Variants in SLC4A4 observed in about 807,000 individuals in gnomAD.
SLC4A4 encodes the protein solute carrier family 4 member 4, also known as electrogenic sodium bicarbonate cotransporter 1.
SLC4A4 carries 27 observed loss-of-function variants against 111.5 expected under a neutral mutation model. The observed-to-expected ratio is 0.24, with a 90% CI of 0.18 to 0.33. The LOEUF (loss-of-function observed/expected upper bound fraction) is 0.33. Among genes scored for constraint, SLC4A4 ranks in the 10% least tolerant of loss-of-function variants. The probability of loss-of-function intolerance (pLI) is 1.00; values close to 1 mark genes in which losing one functional copy is unlikely to be tolerated. For synonymous variants in SLC4A4, 443 were observed against 463.4 expected, an observed-to-expected ratio of 0.96 and a Z score of 0.57; for missense variants, 909 against 1,315.5, an observed-to-expected ratio of 0.69 and a Z score of 4.78.
At chr4:71,315,150 C>G (rs1331484973) in intron 3 of SLC4A4, among the ~76,000 whole-genome samples, 1 of 152,080 alleles carries the variant, frequency 6.6e-6, no homozygotes, top group Non-Finnish European at 1.5e-5. Context: ...ATTTGGCTGA[C>G]TTCTTTTAGG....
rs1737627246 is a variant in SLC4A4, at chr4:71,567,800, T to A, written c.*49T>A. On this transcript the variant is annotated 3_prime_UTR_variant, in exon 26 of 26. Coordinates refer to ENST00000264485, the MANE Select transcript of SLC4A4 (RefSeq NM_001098484.3). ...CCTTTTTCTCTAGTCCTCCTAGAAC[T>A]CCAGTAAAAGTTGTGCCTCAAATTA... is the stretch of plus-strand genomic sequence containing the variant. 7 of 1,513,594 alleles carry A rather than the reference T, an allele frequency of 4.6e-6. No homozygotes were observed. In the South Asian group the frequency reaches 6.3e-5, roughly 14 times the overall value. 93.8% of individuals were successfully genotyped at this position (1,513,594 alleles called of 1,614,324 possible). A position where few individuals can be genotyped will look rare whatever the true frequency, so the allele number is the denominator to read the frequency against.
At chr4:71,325,252 AG>A (rs1238978060) in intron 3 of SLC4A4, among the ~76,000 whole-genome samples, 1 of 151,890 alleles carries the variant, frequency 6.6e-6, no homozygotes, top group African/African-American at 2.4e-5. Context: ...TTAAAAAAAA[AG>A]GTTGTTCAAT....
intron 13 of SLC4A4, 31 bp from the exon 14 acceptor site, chr4:71,472,668 G>T: frequency 6.2e-7 from 1 of 1,605,902 alleles, no homozygotes; most frequent in Non-Finnish European, 8.5e-7. Context: ...CAAGGAGGAG[G>T]AATCTAAACA....
chr4:71,236,714 C>G, intron 2 of SLC4A4, 65 bp downstream of exon 2: 1 of 1,272,802 alleles, frequency 7.9e-7, no homozygotes, highest in Non-Finnish European at 1.1e-6. Context: ...TAATAACATT[C>G]ATGCATTTCA....
chr4:71,543,253 C>A (rs577481599), intron 18 of SLC4A4, among the ~76,000 whole-genome samples: 1 of 152,016 alleles, frequency 6.6e-6, no homozygotes, highest in African/African-American at 2.4e-5. Flanking sequence ...CTGGTGAGAA[C>A]CAGTGATTGA....
At chr4:71,099,563 C>G (rs1423092094) in intron 2 of SLC4A4, among the ~76,000 whole-genome samples, 1 of 151,972 alleles carries the variant, frequency 6.6e-6, no homozygotes, top group Admixed American at 6.6e-5. Flanking sequence ...AACCCCAATG[C>G]TAGCAGAAGA....
At chr4:71,480,025 T>A (rs1474057881) in intron 14 of SLC4A4, among the ~76,000 whole-genome samples, 9 of 148,620 alleles carry the variant, frequency 6.1e-5, no homozygotes, top group African/African-American at 2.2e-4. Flanking sequence ...CCCATCTTTT[T>A]TTTTTTTTTT....
chr4:71,213,447 G>T (rs1011350963), intron 1 of SLC4A4, among the ~76,000 whole-genome samples: 4 of 152,100 alleles, frequency 2.6e-5, no homozygotes, highest in Admixed American at 2.6e-4. Context: ...TTGAAAGCAG[G>T]GGACTCTTTT....
At chr4:71,409,641 A>G (rs1021215632) in intron 7 of SLC4A4, among the ~76,000 whole-genome samples, 1 of 152,218 alleles carries the variant, frequency 6.6e-6, no homozygotes, top group African/African-American at 2.4e-5. Flanking sequence ...CAGCCTGACA[A>G]TGCAGTAGAA....
chr4:71,447,651 T>TA lies in SLC4A4; in HGVS notation c.971_972insA (p.Phe325ValfsTer7). On this transcript the variant is annotated frameshift_variant, in exon 9 of 26. Transcript: ENST00000264485. LOFTEE classifies it high-confidence loss of function. ...CTTCTTTCCTTTTCCATTAGGTTCT[T>TA]GTTCATTCTCTTAGGTCCTAAGGGG... is the stretch of plus-strand genomic sequence containing the variant. 1 of 1,606,264 alleles carries TA rather than the reference T, an allele frequency of 6.2e-7. No homozygotes were observed. Among genetic ancestry groups the TA allele is most frequent in the East Asian group, 2.2e-5 (1 of 44,778 alleles).
chr4:71,239,315 A>G (rs1720026865), intron 2 of SLC4A4, among the ~76,000 whole-genome samples: 1 of 152,200 alleles, frequency 6.6e-6, no homozygotes, highest in East Asian at 1.9e-4. Flanking sequence ...ATGTACTCCC[A>G]ATAAGTGATT....
intron 18 of SLC4A4, among the ~76,000 whole-genome samples, chr4:71,537,563 C>G (rs896003802): frequency 6.6e-6 from 1 of 151,968 alleles, no homozygotes; most frequent in Non-Finnish European, 1.5e-5. Flanking sequence ...AATGTGAATT[C>G]CAGCTCTAAA....
intron 2 of SLC4A4, among the ~76,000 whole-genome samples, chr4:71,144,683 C>T (rs1436584923): frequency 2.6e-5 from 4 of 151,518 alleles, no homozygotes; most frequent in Non-Finnish European, 5.9e-5. Flanking sequence ...AGTTGGAGTC[C>T]TAGGTATTTT....
chr4:71,255,309 A>G lies in SLC4A4; in HGVS notation c.163A>G (p.Lys55Glu). 3.1e-6 allele frequency: 5 copies of G among 1,613,554 alleles called. No homozygotes were observed. The highest frequency in any genetic ancestry group is 4.2e-6 in the Non-Finnish European group (5 of 1,179,616). ...GAGAAAGACAGGGCACAAAGAAAAG[A>G]AGGAAAAGGAGAGAATCTCTGAGAA... ...HKRKTGHKEK[K>E]EKERISENYS... Residue 55 changes from lysine (K) to glutamate (E), a missense_variant, in exon 3 of 26, where the codon AAG becomes GAG. Lys to Glu is a moderately conservative substitution (Grantham distance 56). Coordinates refer to ENST00000264485, the MANE Select transcript of SLC4A4 (RefSeq NM_001098484.3).
intron 2 of SLC4A4, among the ~76,000 whole-genome samples, chr4:71,108,439 A>T (rs1011608901): frequency 6.6e-6 from 1 of 152,178 alleles, no homozygotes; most frequent in Non-Finnish European, 1.5e-5. Context: ...TGTTTCTTTT[A>T]GCACTTTAAA....
rs60696447 is a variant in SLC4A4, at chr4:71,497,761, G to A, written c.2166+69G>A. On this transcript the variant is annotated intron_variant, in intron 16 of 25. Coordinates refer to ENST00000264485, the MANE Select transcript of SLC4A4 (RefSeq NM_001098484.3). ...TATCAACAATAATACAACTTTACAA[G>A]GTGAAAAAGGCACCTGTAATTCAAT... The A allele has an allele frequency of 3.5e-3, 4,519 of 1,300,578 alleles. 86 individuals carry two copies. The African/African-American group carries it at 0.046, about 13-fold the overall frequency. 80.6% of individuals were successfully genotyped at this position (1,300,578 alleles called of 1,614,324 possible).
intron 3 of SLC4A4, among the ~76,000 whole-genome samples, chr4:71,279,826 T>A (rs1050080337): frequency 6.6e-6 from 1 of 152,162 alleles, no homozygotes; most frequent in Admixed American, 6.5e-5. Flanking sequence ...GATGGAATCT[T>A]GCTCTGTTGC....
At chr4:71,463,801 T>A (rs1466675434) in intron 12 of SLC4A4, among the ~76,000 whole-genome samples, 1 of 152,126 alleles carries the variant, frequency 6.6e-6, no homozygotes, top group Non-Finnish European at 1.5e-5. Flanking sequence ...GTGGATAGCA[T>A]GATGAGAGAA....
intron 3 of SLC4A4, among the ~76,000 whole-genome samples, chr4:71,321,616 A>G (rs1397048121): frequency 1.3e-5 from 2 of 151,942 alleles, no homozygotes; most frequent in Non-Finnish European, 2.9e-5. Flanking sequence ...AGGTTCTGGC[A>G]TCTGGGGAGG....
Sources: allele counts gnomAD v4.1 joint callset (sites outside exome capture counted in the v4.1 genomes callset), GRCh38; gene constraint gnomAD v4.1.1; transcripts MANE v1.5; gene names NCBI Gene and HGNC (gene_info 2026-07-23, HGNC 2026-07-21).